Variants in FMN2 observed in about 807,000 individuals in gnomAD.
FMN2 encodes formin-2.
In FMN2, 51 loss-of-function variants were observed where a neutral mutation model predicts 142.3. The ratio of observed to expected loss-of-function variants is 0.36; its 90% CI spans 0.29 to 0.45. The LOEUF is 0.45. Ranked by LOEUF, FMN2 falls within the 20% of genes least tolerant of loss-of-function variation. The pLI, the probability that FMN2 is intolerant of heterozygous loss-of-function variation, is 1.00. For synonymous variants in FMN2, 882 were observed against 869.8 expected (o/e 1.01, Z -0.25); for missense variants, 1,936 against 2,122.8 (o/e 0.91, Z 1.73).
At chr1:240,290,358 G>A (rs938307272) in intron 7 of FMN2, among the ~76,000 whole-genome samples, 7 of 152,164 alleles carry the variant, frequency 4.6e-5, no homozygotes, top group East Asian at 1.9e-4. Context: ...AGTTCGTACC[G>A]GAGGAGTTCA....
At position 240,132,006 on chromosome 1, in the gene FMN2, G is replaced by A. The variant is rs563765999; in HGVS notation, c.1782+8661G>A. Among the ~76,000 whole-genome samples, 11 of 152,330 alleles carry A rather than the reference G, an allele frequency of 7.2e-5. No homozygotes were observed. The South Asian group carries it at 2.1e-3, about 29-fold the overall frequency. ...GAGTGTCTGAACTGAAACAGAGGCA[G>A]TGGGATTGGAAAGAGCCAGCTATAG... On this transcript the variant is annotated intron_variant, in intron 2 of 17. Transcript: ENST00000319653.
intron 2 of FMN2, among the ~76,000 whole-genome samples, chr1:240,127,542 A>G (rs1427405296): frequency 1.3e-5 from 2 of 151,844 alleles, no homozygotes; most frequent in East Asian, 3.9e-4. Flanking sequence ...CAGTAGCACA[A>G]TCATGGCTCA....
chr1:240,287,263 T>A (rs1669622513), intron 7 of FMN2, among the ~76,000 whole-genome samples: 2 of 152,182 alleles, frequency 1.3e-5, no homozygotes, highest in South Asian at 4.1e-4. Flanking sequence ...GACTCTTAAA[T>A]GAGAGGATGC....
In FMN2 at chr1:240,092,355, G is replaced by C. The variant is rs771501754; in HGVS notation, c.246G>C (p.Lys82Asn). ...ASVFSNLRIR[K>N]NLSKGKGAGG... is the part of the protein sequence containing the mutation. ...TGTTTTCCAACCTGCGGATCAGGAA[G>C]AATCTGTCCAAGGGGAAAGGCGCCG... The change falls in exon 1 of 18, where the codon AAG becomes AAC. Residue 82 changes from lysine to asparagine, a missense_variant. By Grantham distance (94) the Lys-to-Asn change is moderately conservative. Around this residue, in one of 8 missense-constraint regions of FMN2, gnomAD observed 751 missense variants for 791.8 expected, o/e 0.95. Transcript: ENST00000319653. The C allele has an allele frequency of 1.2e-6, 2 of 1,609,490 alleles. No individual in the cohort carries two copies. The highest frequency in any genetic ancestry group is 1.1e-5 in the South Asian group (1 of 90,784).
At chr1:240,393,670 C>T (rs77002700) in intron 15 of FMN2, among the ~76,000 whole-genome samples, 2,703 of 152,254 alleles carry the variant, frequency 0.018, 64 homozygotes, top group African/African-American at 0.061. Flanking sequence ...CAAAGCTAGA[C>T]GTCTAGTGCC....
At position 240,142,758 on chromosome 1, in the gene FMN2, C is replaced by T. The variant is rs927528460; in HGVS notation, c.1782+19413C>T. ...AAACTCCTCAGTGGCCAATTCTGCCCGTTCCCCGTGGGCCAACGACACTGG... is the reference window on the plus strand; with the variant it reads ...AAACTCCTCAGTGGCCAATTCTGCCTGTTCCCCGTGGGCCAACGACACTGG... On this transcript the variant is annotated intron_variant, in intron 2 of 17. Coordinates refer to ENST00000319653, the MANE Select transcript of FMN2 (RefSeq NM_020066.5). The T allele has an allele frequency of 3.6e-5, 58 of 1,604,864 alleles. No individual in the cohort carries two copies. The African/African-American group carries it at 3.7e-4, about 10-fold the overall frequency.
At chr1:240,233,340 G>A (rs1030476550) in intron 6 of FMN2, among the ~76,000 whole-genome samples, 5 of 149,952 alleles carry the variant, frequency 3.3e-5, no homozygotes, top group African/African-American at 9.8e-5. Context: ...AGCCGAGATC[G>A]CACCACTGCA....
Position 240,102,458 on chromosome 1 carries a change from T to C in FMN2, c.1615+8734T>C, listed in dbSNP as rs77697547. Among the ~76,000 whole-genome samples, 1,068 of 152,308 alleles carry C rather than the reference T, an allele frequency of 7.0e-3. 16 individuals carry two copies. Among genetic ancestry groups the C allele is most frequent in the African/African-American group, 0.024 (1,007 of 41,570 alleles). On this transcript the variant is annotated intron_variant, in intron 1 of 17. Transcript: ENST00000319653. Reference sequence around the variant, plus strand: ...TCTTTGAAACTCATTTTTTAACCTATATACTTGTAGATAATTGGCTTCTTT... The same window carrying C: ...TCTTTGAAACTCATTTTTTAACCTACATACTTGTAGATAATTGGCTTCTTT...
intron 2 of FMN2, among the ~76,000 whole-genome samples, chr1:240,132,409 T>A (rs1662776617): frequency 6.6e-6 from 1 of 151,928 alleles, no homozygotes; most frequent in African/African-American, 2.4e-5. Flanking sequence ...AGAGAATGAA[T>A]TCATTGGTGG....
At chr1:240,334,572 A>G (rs1268749440) in intron 13 of FMN2, among the ~76,000 whole-genome samples, 2 of 152,196 alleles carry the variant, frequency 1.3e-5, no homozygotes, top group African/African-American at 4.8e-5. Context: ...GTAATAGAAG[A>G]TAAATAGTCC....
At chr1:240,258,733 C>T (rs1668531679) in intron 7 of FMN2, among the ~76,000 whole-genome samples, 1 of 152,142 alleles carries the variant, frequency 6.6e-6, no homozygotes, top group Non-Finnish European at 1.5e-5. Context: ...GCCATATCCT[C>T]CTATGATATT....
chr1:240,423,695 A>G (rs771183258), intron 15 of FMN2, among the ~76,000 whole-genome samples: 4 of 152,254 alleles, frequency 2.6e-5, no homozygotes, highest in Non-Finnish European at 5.9e-5. Context: ...GGGTGTATTT[A>G]GATTGGGCCA....
intron 2 of FMN2, among the ~76,000 whole-genome samples, chr1:240,166,170 A>T (rs1417610508): frequency 6.7e-6 from 1 of 149,390 alleles, no homozygotes; most frequent in Admixed American, 6.7e-5. Context: ...TATATATATA[A>T]ATAAACGTTA....
chr1:240,157,565 A>G (rs562822276), intron 2 of FMN2, among the ~76,000 whole-genome samples: 1 of 149,980 alleles, frequency 6.7e-6, no homozygotes, highest in East Asian at 2.0e-4. Context: ...TAGAAGGGAA[A>G]TAAAGGAAGG....
intron 6 of FMN2, among the ~76,000 whole-genome samples, chr1:240,256,584 C>CAAAAAAAAAAAAA (rs34087707): frequency 9.0e-6 from 1 of 111,412 alleles, no homozygotes; most frequent in African/African-American, 3.6e-5. Context: ...ACTAAAAATA[C>CAAAAAAAAAAAAA]AAAAAAAAAA....
At position 240,261,332 on chromosome 1, in the gene FMN2, G is replaced by A. The variant is rs1420200681; in HGVS notation, c.4153+3300G>A. Among the ~76,000 whole-genome samples the A allele has an allele frequency of 3.4e-5, 5 of 145,770 alleles. No homozygotes were observed. The South Asian group carries it at 8.7e-4, about 25-fold the overall frequency. On this transcript the variant is annotated intron_variant, in intron 7 of 17. Coordinates refer to ENST00000319653, the MANE Select transcript of FMN2 (RefSeq NM_020066.5). ...TGAAATGGATTGAACTTGCACTCAG[G>A]CCCCTTCATTAACCAGTACTTTTTT...
intron 14 of FMN2, among the ~76,000 whole-genome samples, chr1:240,390,664 T>C (rs1002104765): frequency 2.6e-5 from 4 of 152,220 alleles, no homozygotes; most frequent in Non-Finnish European, 5.9e-5. Context: ...TATTTATCTA[T>C]TAAGTTTCTA....
chr1:240,123,057 C>T (rs1051976140), intron 1 of FMN2, 122 bp from the exon 2 acceptor site: 9 of 1,056,560 alleles, frequency 8.5e-6, no homozygotes, highest in East Asian at 2.5e-5. Context: ...CCTTTCTGCG[C>T]TGTCAGTAGC....
At chr1:240,126,718 A>C (rs1662523278) in intron 2 of FMN2, among the ~76,000 whole-genome samples, 1 of 152,206 alleles carries the variant, frequency 6.6e-6, no homozygotes, top group Admixed American at 6.5e-5. Context: ...TTTACCAAAT[A>C]TATTCATTCT....
Sources: gnomAD v4.1 joint callset for allele counts (sites outside exome capture counted in the v4.1 genomes callset) on GRCh38, gnomAD v4.1.1 for gene constraint, gnomAD v4.1.1 regional missense constraint, MANE v1.5 for transcripts, NCBI Gene and HGNC (gene_info 2026-07-23, HGNC 2026-07-21) for gene names.